SMARCAD1: variants seen among roughly 807,000 people sequenced by gnomAD.
SMARCAD1 encodes the protein SNF2 related chromatin remodeling ATPase with DExD box 1.
SMARCAD1 carries 25 observed loss-of-function variants against 127.1 expected under a neutral mutation model. That is an observed-to-expected ratio of 0.20 (90% CI 0.14 to 0.27). SMARCAD1 has a LOEUF of 0.27. SMARCAD1 is among the 10% of genes least tolerant of loss of function. The pLI is 1.00. For synonymous variants in SMARCAD1, 400 were observed against 396.9 expected, an observed-to-expected ratio of 1.01 and a Z score of -0.09; for missense variants, 807 against 1,206.0, an observed-to-expected ratio of 0.67 and a Z score of 4.90.
intron 10 of SMARCAD1, among the ~76,000 whole-genome samples, chr4:94,265,637 T>C (rs10022350): frequency 0.14 from 21,860 of 151,728 alleles, 1,803 homozygotes; most frequent in Non-Finnish European, 0.19. Context: ...TAAAAGTTTG[T>C]ATATTTTTAA....
chr4:94,211,387 C>G (rs1425576697), intron 2 of SMARCAD1, among the ~76,000 whole-genome samples: 1 of 152,164 alleles, frequency 6.6e-6, no homozygotes, highest in Admixed American at 6.5e-5. Flanking sequence ...TGTTGGATCT[C>G]TGGAGAGGAC....
intron 10 of SMARCAD1, among the ~76,000 whole-genome samples, chr4:94,265,665 A>T (rs1458381860): frequency 6.6e-6 from 1 of 151,822 alleles, no homozygotes. Context: ...GGAGACTCAG[A>T]ACTGTTCAGA....
intron 9 of SMARCAD1, among the ~76,000 whole-genome samples, chr4:94,254,942 A>G (rs1449437848): frequency 6.6e-6 from 1 of 152,050 alleles, no homozygotes; most frequent in Non-Finnish European, 1.5e-5. Context: ...AGCAGATTTA[A>G]TATCTTAATA....
At position 94,237,011 on chromosome 4, in the gene SMARCAD1, T is replaced by C; in HGVS notation, c.597T>C (p.Gly199=). 4 of 1,613,262 alleles carry C rather than the reference T, an allele frequency of 2.5e-6. No individual in the cohort carries two copies. The highest frequency in any genetic ancestry group is 3.4e-6 in the Non-Finnish European group (4 of 1,179,524). ...GAIAAALLMF[G]DAGGGPRKRK... ...TTGCTGCTGCCTTGCTGATGTTTGG[T>C]GATGCAGGTATGCTTGACTTAATTT... The change falls in exon 5 of 24, where the codon GGT becomes GGC. Residue 199 remains glycine (G), a synonymous_variant. Coordinates refer to ENST00000354268, the MANE Select transcript of SMARCAD1 (RefSeq NM_020159.5).
At chr4:94,215,627 G>C (rs1193143561) in intron 2 of SMARCAD1, among the ~76,000 whole-genome samples, 3 of 149,120 alleles carry the variant, frequency 2.0e-5, no homozygotes, top group Admixed American at 1.3e-4. Context: ...TCCCAAAAAG[G>C]GGGGTGGGGG....
At chr4:94,210,399 G>A (rs924916855) in intron 2 of SMARCAD1, among the ~76,000 whole-genome samples, 1 of 152,224 alleles carries the variant, frequency 6.6e-6, no homozygotes, top group Non-Finnish European at 1.5e-5. Context: ...TACATTGTAA[G>A]TATTAGATAT....
In SMARCAD1 at chr4:94,236,985, A is replaced by G. The variant is rs375345716; in HGVS notation, c.571A>G (p.Ile191Val). ...IESTSTMDGAIAAALLMFGDA... is the reference protein window; with the variant it reads ...IESTSTMDGAVAAALLMFGDA... ...ATCAACAAGCACTATGGATGGAGCA[A>G]TTGCTGCTGCCTTGCTGATGTTTGG... Residue 191 changes from isoleucine (I) to valine (V), a missense_variant, in exon 5 of 24, where the codon ATT (isoleucine) becomes GTT (valine). By Grantham distance (29) the Ile-to-Val change is conservative. Coordinates refer to ENST00000354268, the MANE Select transcript of SMARCAD1 (RefSeq NM_020159.5). 14 of 1,613,386 alleles carry G rather than the reference A, an allele frequency of 8.7e-6. No individual in the cohort carries two copies. The highest frequency in any genetic ancestry group is 1.2e-5 in the Non-Finnish European group (14 of 1,179,712).
In SMARCAD1 at chr4:94,249,660, G is replaced by A. The variant is rs1300941072; in HGVS notation, c.712G>A (p.Glu238Lys). The A allele has an allele frequency of 1.8e-5, 29 of 1,568,766 alleles. No individual in the cohort carries two copies. The highest frequency in any genetic ancestry group is 2.5e-5 in the Non-Finnish European group (29 of 1,139,320). Residue 238 changes from glutamate to lysine, a missense_variant, in exon 7 of 24, where the codon GAA (glutamate) becomes AAA (lysine). Around this residue, in one of 8 missense-constraint regions of SMARCAD1, gnomAD observed 257 missense variants for 303.4 expected, o/e 0.85. Transcript: ENST00000354268. ...TTTTTTTTCTCCCCATTAGGGAGAG[G>A]AATCAAATGAGTCTGCAGAATCTAG... ...IKKTRLDHGE[E>K]SNESAESSSN...
chr4:94,219,235 A>G (rs1743698926), intron 2 of SMARCAD1, among the ~76,000 whole-genome samples: 1 of 152,230 alleles, frequency 6.6e-6, no homozygotes, highest in Non-Finnish European at 1.5e-5. Flanking sequence ...CATGATTTGA[A>G]TATCAGAAAC....
At chr4:94,220,115 T>C (rs189225948) in intron 2 of SMARCAD1, among the ~76,000 whole-genome samples, 174 of 152,360 alleles carry the variant, frequency 1.1e-3, no homozygotes, top group African/African-American at 4.1e-3. Flanking sequence ...CATTGGCTGT[T>C]AGCTATTTTG....
At chr4:94,261,907 G>T (rs1751048668) in intron 9 of SMARCAD1, among the ~76,000 whole-genome samples, 1 of 152,134 alleles carries the variant, frequency 6.6e-6, no homozygotes, top group South Asian at 2.1e-4. Flanking sequence ...ACCACAACCG[G>T]CCAGTTTATT....
chr4:94,227,891 A>G (rs1306095808), intron 3 of SMARCAD1, among the ~76,000 whole-genome samples: 1 of 152,184 alleles, frequency 6.6e-6, no homozygotes, highest in African/African-American at 2.4e-5. Context: ...ACACTAGTAT[A>G]GTATAGCTGA....
chr4:94,254,333 C>T (rs543726240), intron 9 of SMARCAD1, among the ~76,000 whole-genome samples: 30 of 152,002 alleles, frequency 2.0e-4, no homozygotes, highest in Non-Finnish European at 3.8e-4. Flanking sequence ...TTAATGGTCT[C>T]TTATGTTGTT....
chr4:94,208,409 C>G lies in SMARCAD1; in HGVS notation c.15C>G (p.Asn5Lys), dbSNP rs201340263. The G allele has an allele frequency of 6.2e-7, 1 of 1,614,056 alleles. No individual in the cohort carries two copies. Among genetic ancestry groups the G allele is most frequent in the Admixed American group, 1.7e-5 (1 of 60,014 alleles). The change falls in exon 2 of 24, where the codon AAC becomes AAG. Residue 5 changes from asparagine to lysine, a missense_variant. Physicochemically the swap from Asn to Lys is moderately conservative, Grantham distance 94 (BLOSUM62 0). Transcript: ENST00000354268. The part of the protein sequence containing the change: MNLF[N>K]LDRFRFEKRN... ...TTTCTACCAATATGAATCTTTTCAA[C>G]CTGGACCGTTTTCGCTTTGAGAAAA... is the stretch of plus-strand genomic sequence containing the variant.
At position 94,284,348 on chromosome 4, in the gene SMARCAD1, AAAAAAG is replaced by A. The variant is rs1376809475; in HGVS notation, c.2910-606_2910-601del. ...TCTCAAAAAAAAAAAAAAAAAAAAA[AAAAAAG>A]AAAAAAGTAATTTCCATCTGAACAC... On this transcript the variant is annotated intron_variant, in intron 22 of 23. Transcript: ENST00000354268. 1.1e-4 allele frequency among the ~76,000 whole-genome samples: 11 copies of A among 99,914 alleles called. No homozygotes were observed. The East Asian group carries it at 1.2e-3, about 11-fold the overall frequency. 65.5% of individuals were successfully genotyped at this position (99,914 alleles called of 152,430 possible).
At chr4:94,208,201 G>A (rs768600720) in intron 1 of SMARCAD1, 131 bp downstream of exon 1, 14 of 716,772 alleles carry the variant, frequency 2.0e-5, no homozygotes, top group Non-Finnish European at 3.5e-5. Flanking sequence ...TAATTGTTGC[G>A]GCCTAACAAT....
chr4:94,259,479 C>T (rs1158556261), intron 9 of SMARCAD1, among the ~76,000 whole-genome samples: 1 of 152,092 alleles, frequency 6.6e-6, no homozygotes, highest in Non-Finnish European at 1.5e-5. Context: ...TCATTTTGAT[C>T]ATCTCTAAAG....
At chr4:94,265,324 A>G (rs1332552838) in intron 10 of SMARCAD1, among the ~76,000 whole-genome samples, 2 of 151,996 alleles carry the variant, frequency 1.3e-5, no homozygotes. Context: ...ATCATAAATA[A>G]AATGAAATGA....
chr4:94,247,948 T>C (rs1421571976), intron 6 of SMARCAD1, among the ~76,000 whole-genome samples: 1 of 152,200 alleles, frequency 6.6e-6, no homozygotes, highest in Non-Finnish European at 1.5e-5. Context: ...GTCACCCAGA[T>C]AGTAAGGATA....
Sources: gnomAD v4.1 joint callset for allele counts (sites outside exome capture counted in the v4.1 genomes callset) on GRCh38, gnomAD v4.1.1 for gene constraint, gnomAD v4.1.1 regional missense constraint, MANE v1.5 for transcripts, NCBI Gene and HGNC (gene_info 2026-07-23, HGNC 2026-07-21) for gene names.